The following RPGRIP1 variants were observed in gnomAD, a reference collection of about 807,000 sequenced individuals.
RPGRIP1 encodes X-linked retinitis pigmentosa GTPase regulator-interacting protein 1.
Under a neutral mutation model 157.9 loss-of-function variants are expected in RPGRIP1, and 128 were observed. That is an observed-to-expected ratio of 0.81 (90% CI 0.70 to 0.94). The LOEUF is 0.94. RPGRIP1 is among the 40% of genes least tolerant of loss of function. The pLI, the probability that RPGRIP1 is intolerant of heterozygous loss-of-function variation, is 0.00. For missense variants in RPGRIP1, 1,486 were observed against 1,545.8 expected, an observed-to-expected ratio of 0.96 and a Z score of 0.65; for synonymous variants, 554 against 571.6, an observed-to-expected ratio of 0.97 and a Z score of 0.44.
Position 21,294,652 on chromosome 14 carries a change from C to T in RPGRIP1, c.86-25C>T, listed in dbSNP as rs773253797. 5 of 1,609,594 alleles carry T rather than the reference C, an allele frequency of 3.1e-6. No individual in the cohort carries two copies. The Admixed American group carries it at 8.4e-5, about 27-fold the overall frequency. ...AAAAAATAGGTGTAAAAATACTGTC[C>T]ATTTACTGTTTTCTGGGACTTTAGG... On this transcript the variant is annotated intron_variant, in intron 2 of 24. Transcript: ENST00000400017.
chr14:21,322,998 C>A (rs1013065974), intron 14 of RPGRIP1, among the ~76,000 whole-genome samples: 2 of 152,136 alleles, frequency 1.3e-5, no homozygotes, highest in East Asian at 1.9e-4. Context: ...ATATTTAAAC[C>A]CAAATGTTTG....
intron 2 of RPGRIP1, among the ~76,000 whole-genome samples, chr14:21,292,729 C>T (rs1880585029): frequency 6.6e-6 from 1 of 151,892 alleles, no homozygotes. Context: ...GTAATCCCAG[C>T]CATTCGAGAG....
At chr14:21,281,555 G>A (rs936183194) in intron 1 of RPGRIP1, among the ~76,000 whole-genome samples, 10 of 151,656 alleles carry the variant, frequency 6.6e-5, no homozygotes, top group African/African-American at 1.7e-4. Flanking sequence ...TGGGCGTGGC[G>A]GCTTGCGCCT....
intron 3 of RPGRIP1, among the ~76,000 whole-genome samples, chr14:21,299,894 C>A (rs1772797635): frequency 6.6e-6 from 1 of 152,184 alleles, no homozygotes; most frequent in African/African-American, 2.4e-5. Context: ...AGCTTGCTGA[C>A]TGCTGCTTTC....
intron 2 of RPGRIP1, among the ~76,000 whole-genome samples, chr14:21,289,865 A>ATT (rs71419123): frequency 0.27 from 41,336 of 150,872 alleles, 5,796 homozygotes; most frequent in Middle Eastern, 0.33. Flanking sequence ...TCATAGCAGT[A>ATT]TTTTTTTTTG....
intron 6 of RPGRIP1, among the ~76,000 whole-genome samples, chr14:21,306,446 ATTATTTTATT>A (rs376127265): frequency 2.0e-5 from 3 of 149,016 alleles, no homozygotes; most frequent in South Asian, 2.1e-4. Flanking sequence ...TCTTCTTTCT[ATTATTTTATT>A]TTATTTTATT....
chr14:21,325,519 T>C, intron 16 of RPGRIP1, 136 bp downstream of exon 16: 1 of 880,112 alleles, frequency 1.1e-6, no homozygotes, highest in South Asian at 1.8e-5. Context: ...ACAACTAGTC[T>C]GGATTATTCC....
intron 2 of RPGRIP1, among the ~76,000 whole-genome samples, chr14:21,289,874 T>C (rs1225407001): frequency 3.9e-5 from 6 of 151,924 alleles, no homozygotes; most frequent in Non-Finnish European, 7.4e-5. Context: ...TATTTTTTTT[T>C]GAGACAGATT....
chr14:21,332,921 T>C (rs1354919794), intron 20 of RPGRIP1, among the ~76,000 whole-genome samples: 1 of 152,016 alleles, frequency 6.6e-6, no homozygotes, highest in Non-Finnish European at 1.5e-5. Flanking sequence ...CTGGCCAACA[T>C]GGTAAAACCC....
chr14:21,301,719 T>A (rs906701014), intron 4 of RPGRIP1, among the ~76,000 whole-genome samples: 2 of 91,892 alleles, frequency 2.2e-5, no homozygotes, highest in Non-Finnish European at 4.6e-5. Context: ...ATAATAATAA[T>A]AATAAAAAAT....
chr14:21,311,646 A>G (rs1881545746), intron 8 of RPGRIP1, among the ~76,000 whole-genome samples, 178 bp from the exon 9 acceptor site: 1 of 152,230 alleles, frequency 6.6e-6, no homozygotes, highest in Admixed American at 6.6e-5. Flanking sequence ...GGGAAATTAT[A>G]CTTCCAGAGA....
At chr14:21,288,180 CTTT>C (rs35862339) in intron 2 of RPGRIP1, 119 bp downstream of exon 2, 3,960 of 484,268 alleles carry the variant, frequency 8.2e-3, no homozygotes, top group South Asian at 9.5e-3. Flanking sequence ...AGTCTTCTCA[CTTT>C]TTTTTTTTTT....
chr14:21,285,488 C>T (rs1880267392), intron 1 of RPGRIP1, among the ~76,000 whole-genome samples: 1 of 151,598 alleles, frequency 6.6e-6, no homozygotes, highest in Non-Finnish European at 1.5e-5. Flanking sequence ...GCCTGTAGTC[C>T]GAGCTACTCA....
chr14:21,343,579 C>T (rs1002484316), intron 22 of RPGRIP1, among the ~76,000 whole-genome samples: 6 of 152,126 alleles, frequency 3.9e-5, no homozygotes, highest in African/African-American at 1.2e-4. Flanking sequence ...CCACCTCTGA[C>T]TCCGAGATTC....
chr14:21,329,481 A>G (rs1044857656), intron 19 of RPGRIP1, among the ~76,000 whole-genome samples: 8 of 151,360 alleles, frequency 5.3e-5, no homozygotes, highest in African/African-American at 1.9e-4. Context: ...TTAATACTAT[A>G]TATATTTTTA....
At chr14:21,304,237 C>T (rs1881175842) in intron 6 of RPGRIP1, among the ~76,000 whole-genome samples, 1 of 149,986 alleles carries the variant, frequency 6.7e-6, no homozygotes, top group Admixed American at 6.6e-5. Flanking sequence ...ATCCCTTGAA[C>T]CTGGGAGGCG....
intron 23 of RPGRIP1, among the ~76,000 whole-genome samples, chr14:21,347,249 A>C (rs1885659227): frequency 6.6e-6 from 1 of 152,218 alleles, no homozygotes; most frequent in Non-Finnish European, 1.5e-5. Context: ...TCTTTGACTT[A>C]CTAGCTCTTT....
chr14:21,311,680 T>C (rs1881546849), intron 8 of RPGRIP1, 144 bp from the exon 9 acceptor site: 1 of 546,116 alleles, frequency 1.8e-6, no homozygotes, highest in South Asian at 4.4e-5. Context: ...AAAACAAGGT[T>C]AACGAACAGT....
intron 3 of RPGRIP1, among the ~76,000 whole-genome samples, chr14:21,299,003 C>G (rs1880913596): frequency 6.7e-6 from 1 of 148,380 alleles, no homozygotes; most frequent in Admixed American, 6.8e-5. Context: ...TGGATCAGCA[C>G]TCTTCAGAGT....
Sources: gnomAD v4.1 joint callset for allele counts (sites outside exome capture counted in the v4.1 genomes callset) on GRCh38, gnomAD v4.1.1 for gene constraint, MANE v1.5 for transcripts, NCBI Gene and HGNC (gene_info 2026-07-23, HGNC 2026-07-21) for gene names.